Variants in ARMH1 observed in about 807,000 individuals in gnomAD.
The protein encoded by ARMH1 is armadillo-like helical domain containing protein 1.
A neutral mutation model predicts 50.2 loss-of-function variants in ARMH1; 34 were observed. The observed-to-expected ratio is 0.68, with a 90% CI of 0.51 to 0.90. The LOEUF (loss-of-function observed/expected upper bound fraction) is 0.90, where lower values mean the gene tolerates loss of function less well. Ranked by LOEUF, ARMH1 falls within the 40% of genes least tolerant of loss-of-function variation. ARMH1 has a pLI of 0.00. For synonymous variants in ARMH1, 221 were observed against 224.2 expected, an observed-to-expected ratio of 0.99 and a Z score of 0.13; for missense variants, 538 against 553.9, an observed-to-expected ratio of 0.97 and a Z score of 0.29.
chr1:44,721,770 T>G (rs541419257), intron 6 of ARMH1: 1 of 152,160 alleles, frequency 6.6e-6, no homozygotes, highest in Non-Finnish European at 1.5e-5. Flanking sequence ...CGTCTCTCTT[T>G]AGTAACAGAA....
At chr1:44,690,699 AAC>A (rs1191842104) in intron 2 of ARMH1, among the ~76,000 whole-genome samples, 2 of 151,998 alleles carry the variant, frequency 1.3e-5, no homozygotes, top group Admixed American at 1.3e-4. Context: ...GTTTATTTGA[AAC>A]AGAGTCTCTC....
intron 6 of ARMH1, among the ~76,000 whole-genome samples, chr1:44,708,321 T>A (rs748533850): frequency 9.2e-5 from 14 of 152,248 alleles, no homozygotes; most frequent in Non-Finnish European, 1.9e-4. Context: ...AGAAGCAGCC[T>A]GTGTCCAAGA....
chr1:44,692,246 C>A (rs1044546201), intron 2 of ARMH1, among the ~76,000 whole-genome samples: 1 of 151,956 alleles, frequency 6.6e-6, no homozygotes, highest in African/African-American at 2.4e-5. Context: ...TGGAGCAAGA[C>A]CTCATCTCTA....
Position 44,682,683 on chromosome 1 carries a change from T to C in ARMH1, c.-22-6993T>C, listed in dbSNP as rs1557513935. Among the ~76,000 whole-genome samples, 1 of 152,126 alleles carries C rather than the reference T, an allele frequency of 6.6e-6. No individual in the cohort carries two copies. The highest frequency in any genetic ancestry group is 1.5e-5 in the Non-Finnish European group (1 of 68,010). On this transcript the variant is annotated intron_variant, in intron 1 of 11. Coordinates refer to ENST00000535358, the MANE Select transcript of ARMH1 (RefSeq NM_001145636.2). This position sits in a 1 kb window ranked among gnomAD's most constrained non-coding sequence, Gnocchi z 4.5. ...GCTCACACCTGTAATCCCAGTACTT[T>C]GGGAGGCCGAGGCAGGAGGATTGCT...
intron 6 of ARMH1, chr1:44,721,750 C>A (rs549938575): frequency 6.6e-6 from 1 of 152,056 alleles, no homozygotes; most frequent in African/African-American, 2.4e-5. Flanking sequence ...CATGAAACAC[C>A]CCACCCACAC....
chr1:44,716,930 A>G (rs1287708258), intron 6 of ARMH1, among the ~76,000 whole-genome samples: 1 of 148,874 alleles, frequency 6.7e-6, no homozygotes, highest in East Asian at 2.0e-4. Flanking sequence ...GGCTCATTGC[A>G]ACCTCTGCTG....
chr1:44,687,740 C>T (rs1645521517), intron 1 of ARMH1, among the ~76,000 whole-genome samples: 1 of 152,168 alleles, frequency 6.6e-6, no homozygotes, highest in Non-Finnish European at 1.5e-5. Context: ...GATGGGCCTT[C>T]ACCACATACA....
intron 6 of ARMH1, chr1:44,721,970 A>C (rs1320946211): frequency 1.3e-5 from 2 of 152,138 alleles, no homozygotes; most frequent in Non-Finnish European, 2.9e-5. Flanking sequence ...GTGCCTTTGG[A>C]CCTGCAGACA....
Position 44,683,159 on chromosome 1 carries a change from G to C in ARMH1, c.-22-6517G>C, listed in dbSNP as rs576335678. On this transcript the variant is annotated intron_variant, in intron 1 of 11. Coordinates refer to ENST00000535358, the MANE Select transcript of ARMH1 (RefSeq NM_001145636.2). The surrounding 1 kb of genome is among the most constrained non-coding windows in gnomAD (Gnocchi z 4.2). ...ACAGTTCAGATGAGGGCAAGGGAGAGGAATAAGTCAAAGACAACTTTTGGC... is the reference window on the plus strand; with the variant it reads ...ACAGTTCAGATGAGGGCAAGGGAGACGAATAAGTCAAAGACAACTTTTGGC... 6.6e-6 allele frequency among the ~76,000 whole-genome samples: 1 copy of C among 152,180 alleles called. No individual in the cohort carries two copies. Among genetic ancestry groups the C allele is most frequent in the Admixed American group, 6.5e-5 (1 of 15,274 alleles).
intron 10 of ARMH1, 22 bp from the exon 11 acceptor site, chr1:44,725,114 T>C: frequency 6.4e-7 from 1 of 1,551,144 alleles, no homozygotes; most frequent in East Asian, 2.4e-5. Context: ...CCCAGCCGGG[T>C]CCCCCTTGCT....
chr1:44,689,899 A>C lies in ARMH1; in HGVS notation c.202A>C (p.Ile68Leu). The part of the protein sequence containing the change: ...FLVRLTTSLR[I>L]TYMTDSCLEK... The stretch of plus-strand genomic sequence containing the variant: ...GGTACGCTTGACCACCTCGCTTAGA[A>C]TCACGTATCCTTTACTGAACAGAAA... Residue 68 changes from isoleucine (I) to leucine (L), a missense_variant, in exon 2 of 12, where the codon ATC (isoleucine) becomes CTC (leucine). Coordinates refer to ENST00000535358, the MANE Select transcript of ARMH1 (RefSeq NM_001145636.2). 1 of 1,550,090 alleles carries C rather than the reference A, an allele frequency of 6.5e-7. No individual in the cohort carries two copies. The highest frequency in any genetic ancestry group is 8.7e-7 in the Non-Finnish European group (1 of 1,146,852).
At chr1:44,676,119 T>G (rs368699226) in intron 1 of ARMH1, among the ~76,000 whole-genome samples, 14 of 152,110 alleles carry the variant, frequency 9.2e-5, no homozygotes, top group Non-Finnish European at 1.8e-4. Context: ...TAGACACTTA[T>G]AGCTAGAAAA....
At chr1:44,723,872 G>T in intron 6 of ARMH1, 1 of 449,046 alleles carries the variant, frequency 2.2e-6, no homozygotes, top group Non-Finnish European at 3.9e-6. Flanking sequence ...TGGGGTCTCA[G>T]CCTCCAGCGC....
rs35822364 is a variant in ARMH1 at position 44,719,025 on chromosome 1, GAAAAA to G, written c.725-5079_725-5075del. Among the ~76,000 whole-genome samples the G allele has an allele frequency of 5.5e-4, 43 of 78,632 alleles. 1 individual carries two copies. The highest frequency in any genetic ancestry group is 1.2e-3 in the African/African-American group (24 of 20,058). The allele number at this position is 78,632 out of a possible 152,430, so 51.6% of individuals were successfully genotyped here. ...GGGCAACAAGAGTGAAACTGTCTCG[GAAAAA>G]AAAAAAAAAAAAAAAAAGGCATTTC... On this transcript the variant is annotated intron_variant, in intron 6 of 11. Coordinates refer to ENST00000535358, the MANE Select transcript of ARMH1 (RefSeq NM_001145636.2).
rs544864126 is a variant in ARMH1, at chr1:44,724,148, G to A, written c.751G>A (p.Gly251Ser). 3.2e-6 allele frequency: 5 copies of A among 1,551,714 alleles called. No homozygotes were observed. Among genetic ancestry groups the A allele is most frequent in the Non-Finnish European group, 3.5e-6 (4 of 1,146,980 alleles). ...EAIELIKDLV[G>S]YDVRQALLKG... ...CATCGAGTTGATCAAAGACCTGGTC[G>A]GTTACGATGTGCGCCAGGCGCTGCT... The change falls in exon 7 of 12, where the codon GGT becomes AGT. Residue 251 changes from glycine to serine, a missense_variant. By Grantham distance (56) the Gly-to-Ser change is moderately conservative. Coordinates refer to ENST00000535358, the MANE Select transcript of ARMH1 (RefSeq NM_001145636.2). The surrounding 1 kb of genome is among the most constrained non-coding windows in gnomAD (Gnocchi z 6.4).
chr1:44,722,999 C>T (rs1395750410), intron 6 of ARMH1, among the ~76,000 whole-genome samples: 1 of 151,350 alleles, frequency 6.6e-6, no homozygotes, highest in African/African-American at 2.4e-5. Flanking sequence ...TGCTTGAACC[C>T]AGGAGGCGGA....
intron 4 of ARMH1, 142 bp from the exon 5 acceptor site, chr1:44,700,781 A>G: frequency 3.1e-6 from 2 of 636,704 alleles, no homozygotes; most frequent in Non-Finnish European, 5.4e-6. Flanking sequence ...CAGTGATGCA[A>G]CATGAGAACC....
At chr1:44,684,732 C>T (rs1426806781) in intron 1 of ARMH1, 2 of 152,180 alleles carry the variant, frequency 1.3e-5, no homozygotes, top group Non-Finnish European at 2.9e-5. Flanking sequence ...CCCTCAACCG[C>T]CAAGAAAGAA....
intron 6 of ARMH1, among the ~76,000 whole-genome samples, chr1:44,721,309 G>T (rs1372453024): frequency 6.6e-6 from 1 of 152,070 alleles, no homozygotes; most frequent in Non-Finnish European, 1.5e-5. Flanking sequence ...AAAAACAAAA[G>T]AAAACTATCT....
Sources: gnomAD v4.1 joint callset for allele counts (sites outside exome capture counted in the v4.1 genomes callset) on GRCh38, gnomAD v4.1.1 for gene constraint, Gnocchi (gnomAD v3.1) non-coding constraint, MANE v1.5 for transcripts, NCBI Gene and HGNC (gene_info 2026-07-23, HGNC 2026-07-21) for gene names.